Variants in SYTL5 observed in about 807,000 individuals in gnomAD.
SYTL5 encodes synaptotagmin like 5, also known as synaptotagmin-like protein 5.
SYTL5 carries 34 observed loss-of-function variants against 55.9 expected under a neutral mutation model. That is an observed-to-expected ratio of 0.61 (90% confidence interval 0.46 to 0.81). The LOEUF (loss-of-function observed/expected upper bound fraction) is 0.81. Ranked by LOEUF, SYTL5 falls within the 30% of genes least tolerant of loss-of-function variation. The pLI is 0.00. For missense variants in SYTL5, 637 were observed against 546.7 expected, an observed-to-expected ratio of 1.17 and a Z score of -1.65; for synonymous variants, 221 against 188.7, an observed-to-expected ratio of 1.17 and a Z score of -1.40.
At chrX:37,967,653 T>C in the SYTL5 span, among the ~76,000 whole-genome samples, 4 of 111,629 alleles carry the variant, frequency 3.6e-5, no homozygotes, top group South Asian at 1.5e-3. Flanking sequence ...TCTGTCCCTT[T>C]CTATATCTTT....
the SYTL5 span, among the ~76,000 whole-genome samples, chrX:37,932,534 A>G: frequency 9.0e-6 from 1 of 111,637 alleles, no homozygotes; most frequent in African/African-American, 3.3e-5. Flanking sequence ...CAAAGGCTTA[A>G]TGATAAAGGT....
At chrX:38,100,598 C>T (rs1937057872) in intron 9 of SYTL5, among the ~76,000 whole-genome samples, 1 of 111,045 alleles carries the variant, frequency 9.0e-6, no homozygotes, top group Admixed American at 9.5e-5. Flanking sequence ...AGACTGTAAA[C>T]ATCTACTGGA....
At chrX:38,014,066 A>C (rs1253493711) in intron 1 of SYTL5, among the ~76,000 whole-genome samples, 1 of 111,862 alleles carries the variant, frequency 8.9e-6, no homozygotes, top group African/African-American at 3.3e-5. Flanking sequence ...CTCTGATGTC[A>C]TATCCTACAT....
intron 4 of SYTL5, among the ~76,000 whole-genome samples, chrX:38,072,659 G>A (rs1003599391): frequency 2.7e-5 from 3 of 111,790 alleles, no homozygotes; most frequent in Non-Finnish European, 5.6e-5. Flanking sequence ...GGCATTTCTG[G>A]TTGTCACAGT....
intron 3 of SYTL5, among the ~76,000 whole-genome samples, chrX:38,067,550 T>C (rs1235598579): frequency 8.9e-6 from 1 of 112,023 alleles, no homozygotes; most frequent in African/African-American, 3.2e-5. Flanking sequence ...GCAAATATTT[T>C]AGGCTTTGAG....
chrX:37,954,644 C>A, the SYTL5 span, among the ~76,000 whole-genome samples: 1 of 111,807 alleles, frequency 8.9e-6, no homozygotes, highest in African/African-American at 3.2e-5. Flanking sequence ...AACTCTTGGA[C>A]CATGCTGGAG....
intron 1 of SYTL5, among the ~76,000 whole-genome samples, chrX:38,020,739 A>G (rs5918455): frequency 0.39 from 42,980 of 108,894 alleles, 8,250 homozygotes; most frequent in African/African-American, 0.73. Flanking sequence ...GCTTAACTTC[A>G]TTGAGAATAG....
chrX:38,048,016 C>A (rs1167051138), intron 2 of SYTL5, among the ~76,000 whole-genome samples: 1 of 110,329 alleles, frequency 9.1e-6, no homozygotes. Flanking sequence ...GAAACCCCCT[C>A]TCTACTAAAA....
chrX:38,084,324 A>T (rs1325329669), intron 6 of SYTL5, among the ~76,000 whole-genome samples: 1 of 112,017 alleles, frequency 8.9e-6, no homozygotes, highest in Non-Finnish European at 1.9e-5. Flanking sequence ...TATCTTTTGT[A>T]ATAGCCTTTA....
At chrX:37,990,420 T>C in the SYTL5 span, among the ~76,000 whole-genome samples, 44 of 112,193 alleles carry the variant, frequency 3.9e-4, no homozygotes, top group Admixed American at 4.1e-3. Context: ...ATGCTGTACA[T>C]GTATCAGCAG....
the SYTL5 span, among the ~76,000 whole-genome samples, chrX:37,940,688 G>A: frequency 2.0e-4 from 22 of 108,512 alleles, no homozygotes; most frequent in Middle Eastern, 4.8e-3. Context: ...TATGAACTGG[G>A]CCTGTAAAAT....
chrX:38,009,393 G>A (rs1322839524), intron 1 of SYTL5, among the ~76,000 whole-genome samples: 2 of 111,870 alleles, frequency 1.8e-5, no homozygotes, highest in Non-Finnish European at 3.8e-5. Flanking sequence ...CAAACTCACA[G>A]CTTTTATGTC....
At chrX:37,997,174 T>A in the SYTL5 span, among the ~76,000 whole-genome samples, 2 of 112,508 alleles carry the variant, frequency 1.8e-5, no homozygotes, top group Non-Finnish European at 3.8e-5. Context: ...CCATCTGGGG[T>A]GGCCGTTGCC....
the SYTL5 span, among the ~76,000 whole-genome samples, chrX:37,903,708 A>C: frequency 0.031 from 3,419 of 111,688 alleles, 125 homozygotes; most frequent in African/African-American, 0.11. Context: ...AATAAAAAAT[A>C]AATAAAAATA....
At chrX:37,915,154 G>A in the SYTL5 span, among the ~76,000 whole-genome samples, 1 of 111,836 alleles carries the variant, frequency 8.9e-6, no homozygotes, top group Admixed American at 9.5e-5. Flanking sequence ...TCGTGTGTGT[G>A]TGTGCGCGCG....
intron 2 of SYTL5, among the ~76,000 whole-genome samples, chrX:38,053,613 T>A (rs1359932328): frequency 8.9e-6 from 1 of 112,225 alleles, no homozygotes; most frequent in African/African-American, 3.2e-5. Context: ...CCTGATCTCA[T>A]CTGAAATGGT....
the SYTL5 span, among the ~76,000 whole-genome samples, chrX:37,943,932 AT>A: frequency 1.8e-5 from 2 of 110,975 alleles, no homozygotes; most frequent in African/African-American, 6.6e-5. Flanking sequence ...CTACCCCTTT[AT>A]TTTTTTCTCT....
At chrX:38,078,944 T>C (rs1936458497) in intron 6 of SYTL5, among the ~76,000 whole-genome samples, 1 of 112,366 alleles carries the variant, frequency 8.9e-6, no homozygotes, top group African/African-American at 3.2e-5. Context: ...TTAAGAACAA[T>C]ATTTTGCCAC....
the SYTL5 span, among the ~76,000 whole-genome samples, chrX:37,938,856 T>G: frequency 8.9e-6 from 1 of 112,320 alleles, no homozygotes; most frequent in African/African-American, 3.2e-5. Flanking sequence ...AATTGTTCTT[T>G]CATCCAAATG....
Sources: gnomAD v4.1 joint callset for allele counts (sites outside exome capture counted in the v4.1 genomes callset) on GRCh38, gnomAD v4.1.1 for gene constraint, MANE v1.5 for transcripts, NCBI Gene and HGNC (gene_info 2026-07-23, HGNC 2026-07-21) for gene names.